The following MTCL2 variants were observed in gnomAD, a reference collection of about 807,000 sequenced individuals.
MTCL2 encodes microtubule cross-linking factor 2.
At chr20:36,784,829 A>T in the MTCL2 span, 339 of 985,398 alleles carry the variant, frequency 3.4e-4, no homozygotes, top group Non-Finnish European at 3.8e-4. Context: ...GGCTGGTGAG[A>T]ACCGAGGCAG....
chr20:36,832,160 A>G, the MTCL2 span, among the ~76,000 whole-genome samples: 1 of 152,214 alleles, frequency 6.6e-6, no homozygotes, highest in Non-Finnish European at 1.5e-5. Flanking sequence ...TGAGTGAATG[A>G]CTGAATATAC....
the MTCL2 span, among the ~76,000 whole-genome samples, chr20:36,796,719 C>T: frequency 6.6e-6 from 1 of 152,134 alleles, no homozygotes; most frequent in East Asian, 1.9e-4. Context: ...CCGATGCTCT[C>T]CCAACTTGGA....
At chr20:36,796,309 T>G in the MTCL2 span, among the ~76,000 whole-genome samples, 2 of 152,226 alleles carry the variant, frequency 1.3e-5, no homozygotes, top group East Asian at 1.9e-4. Flanking sequence ...GAGCTAGAAC[T>G]GGCAGGGCTG....
At chr20:36,821,186 A>AT in the MTCL2 span, among the ~76,000 whole-genome samples, 1 of 152,158 alleles carries the variant, frequency 6.6e-6, no homozygotes, top group Non-Finnish European at 1.5e-5. Context: ...TTCTAATGAT[A>AT]TTTTTGCTTC....
At chr20:36,809,526 C>T in the MTCL2 span, among the ~76,000 whole-genome samples, 1 of 151,984 alleles carries the variant, frequency 6.6e-6, no homozygotes, top group Non-Finnish European at 1.5e-5. Flanking sequence ...CAATAACATC[C>T]CAGCAGGGCA....
the MTCL2 span, among the ~76,000 whole-genome samples, chr20:36,841,087 A>C: frequency 7.1e-6 from 1 of 140,194 alleles, no homozygotes; most frequent in Non-Finnish European, 1.5e-5. Flanking sequence ...AGGTGGGTGG[A>C]TCATTTGAGG....
chr20:36,790,406 G>A, the MTCL2 span, among the ~76,000 whole-genome samples: 1 of 149,812 alleles, frequency 6.7e-6, no homozygotes, highest in African/African-American at 2.5e-5. Flanking sequence ...GGGATTACAG[G>A]TGTGAGCCAC....
the MTCL2 span, among the ~76,000 whole-genome samples, chr20:36,836,132 C>G: frequency 6.7e-6 from 1 of 148,302 alleles, no homozygotes; most frequent in Non-Finnish European, 1.5e-5. Context: ...CGGGAGCTGC[C>G]CTGTCAAGTA....
the MTCL2 span, among the ~76,000 whole-genome samples, chr20:36,803,625 C>T: frequency 3.3e-5 from 5 of 151,634 alleles, no homozygotes; most frequent in Admixed American, 2.0e-4. Flanking sequence ...AGTAGTGGCC[C>T]CAGGAAGTAG....
the MTCL2 span, among the ~76,000 whole-genome samples, chr20:36,842,572 G>C: frequency 6.6e-6 from 1 of 152,228 alleles, no homozygotes; most frequent in Non-Finnish European, 1.5e-5. Flanking sequence ...AGGAGTTCAA[G>C]ACCAGCCTGG....
the MTCL2 span, among the ~76,000 whole-genome samples, chr20:36,824,809 G>A: frequency 6.6e-6 from 1 of 151,624 alleles, no homozygotes; most frequent in East Asian, 1.9e-4. Flanking sequence ...TGTGTCATCA[G>A]GTCCAGCTAA....
chr20:36,815,325 TC>T, the MTCL2 span: 1 of 1,613,830 alleles, frequency 6.2e-7, no homozygotes, highest in Non-Finnish European at 8.5e-7. The surrounding 1 kb of genome is among the most constrained non-coding windows in gnomAD (Gnocchi z 5.3). Context: ...GAGCTTGGTG[TC>T]CCTGGGGCCC....
At chr20:36,819,862 C>A in the MTCL2 span, among the ~76,000 whole-genome samples, 5 of 152,044 alleles carry the variant, frequency 3.3e-5, no homozygotes, top group African/African-American at 9.7e-5. Flanking sequence ...GAGCCAGGAG[C>A]CAGTATTTGA....
At chr20:36,785,805 A>G in the MTCL2 span, 1 of 985,432 alleles carries the variant, frequency 1.0e-6, no homozygotes, top group Admixed American at 6.1e-5. Context: ...GCATGTTTCC[A>G]CTTCGCCTCC....
At chr20:36,794,492 A>C in the MTCL2 span, 1 of 1,614,062 alleles carries the variant, frequency 6.2e-7, no homozygotes, top group Non-Finnish European at 8.5e-7. This position sits in a 1 kb window ranked among gnomAD's most constrained non-coding sequence, Gnocchi z 5.4. Context: ...CACAAAGCCA[A>C]AGGCAGGGTT....
At chr20:36,833,321 G>C in the MTCL2 span, among the ~76,000 whole-genome samples, 1 of 152,210 alleles carries the variant, frequency 6.6e-6, no homozygotes, top group Non-Finnish European at 1.5e-5. Flanking sequence ...CTCAAGGTAG[G>C]GGGGCTGAGA....
At chr20:36,794,380 TG>T in the MTCL2 span, 1 of 1,612,742 alleles carries the variant, frequency 6.2e-7, no homozygotes, top group Admixed American at 1.7e-5. The surrounding 1 kb of genome is among the most constrained non-coding windows in gnomAD (Gnocchi z 5.4). Flanking sequence ...TCTGCCTCCC[TG>T]GGGGGTCCTG....
At chr20:36,789,306 G>A in the MTCL2 span, among the ~76,000 whole-genome samples, 2 of 152,152 alleles carry the variant, frequency 1.3e-5, no homozygotes, top group Admixed American at 1.3e-4. Context: ...CACAGGTGCC[G>A]AGATATTACG....
chr20:36,858,461 AAAAC>A, the MTCL2 span, among the ~76,000 whole-genome samples: 1 of 42,184 alleles, frequency 2.4e-5, no homozygotes, highest in African/African-American at 9.0e-5. Flanking sequence ...CCAAGGAGGG[AAAAC>A]ACACACACAC....
Sources: gnomAD v4.1 joint callset for allele counts (sites outside exome capture counted in the v4.1 genomes callset) on GRCh38, gnomAD v4.1.1 for gene constraint, Gnocchi (gnomAD v3.1) non-coding constraint, MANE v1.5 for transcripts, NCBI Gene and HGNC (gene_info 2026-07-23, HGNC 2026-07-21) for gene names.